Variants in HS3ST4 observed in about 807,000 individuals in gnomAD.
The protein encoded by HS3ST4 is heparan sulfate-glucosamine 3-sulfotransferase 4.
A neutral mutation model predicts 29.2 loss-of-function variants in HS3ST4; 17 were observed. The ratio of observed to expected loss-of-function variants is 0.58; its 90% CI spans 0.40 to 0.87. The LOEUF (loss-of-function observed/expected upper bound fraction) is 0.87. HS3ST4 is among the 40% of genes least tolerant of loss of function. The probability of loss-of-function intolerance (pLI) is 0.00; values close to 1 mark genes in which losing one functional copy is unlikely to be tolerated. For synonymous variants in HS3ST4, 314 were observed against 285.7 expected (o/e 1.10, Z -1.00); for missense variants, 627 against 634.5 (o/e 0.99, Z 0.13).
chr16:25,874,880 C>A (rs1461164437), intron 1 of HS3ST4, among the ~76,000 whole-genome samples: 1 of 152,118 alleles, frequency 6.6e-6, no homozygotes, highest in Non-Finnish European at 1.5e-5. Context: ...TGGCCTTGTT[C>A]AAGTTAGTTA....
chr16:26,080,201 T>C (rs1898709345), intron 1 of HS3ST4, among the ~76,000 whole-genome samples: 1 of 152,076 alleles, frequency 6.6e-6, no homozygotes, highest in Admixed American at 6.5e-5. Flanking sequence ...CTTCCTTCCT[T>C]CCTTCCGTCC....
intron 1 of HS3ST4, among the ~76,000 whole-genome samples, chr16:26,097,118 T>G (rs1898934502): frequency 6.6e-6 from 1 of 152,196 alleles, no homozygotes; most frequent in Admixed American, 6.5e-5. Context: ...TCCATGCTCA[T>G]GGATAGGAAG....
intron 1 of HS3ST4, among the ~76,000 whole-genome samples, chr16:26,116,816 C>G (rs1899207782): frequency 6.6e-6 from 1 of 152,058 alleles, no homozygotes; most frequent in South Asian, 2.1e-4. Flanking sequence ...TGTAATGCTC[C>G]AAAATCTGAA....
At chr16:25,920,464 A>G (rs1239440611) in intron 1 of HS3ST4, among the ~76,000 whole-genome samples, 2 of 151,962 alleles carry the variant, frequency 1.3e-5, no homozygotes, top group African/African-American at 4.8e-5. Flanking sequence ...AAGAATGAAT[A>G]CACTGGTCTC....
At chr16:26,015,689 C>A (rs1348756496) in intron 1 of HS3ST4, among the ~76,000 whole-genome samples, 2 of 152,196 alleles carry the variant, frequency 1.3e-5, no homozygotes, top group African/African-American at 4.8e-5. Context: ...AGATGAACTA[C>A]TAAGTGTCAT....
chr16:26,052,574 T>C (rs1898360548), intron 1 of HS3ST4, among the ~76,000 whole-genome samples: 1 of 152,212 alleles, frequency 6.6e-6, no homozygotes, highest in Admixed American at 6.5e-5. Flanking sequence ...TTTCACCATG[T>C]TGGCCAGGCT....
chr16:26,025,548 G>A (rs763577604), intron 1 of HS3ST4, among the ~76,000 whole-genome samples: 5 of 152,264 alleles, frequency 3.3e-5, no homozygotes, highest in Middle Eastern at 3.4e-3. Context: ...ACGCTGCCAC[G>A]CAAAGGAGTT....
intron 1 of HS3ST4, among the ~76,000 whole-genome samples, chr16:25,821,049 G>A (rs532741249): frequency 1.9e-4 from 28 of 150,890 alleles, no homozygotes; most frequent in African/African-American, 6.3e-4. Context: ...ATTCATTTGC[G>A]CCTTTGAATT....
At chr16:26,087,864 C>A (rs1898808791) in intron 1 of HS3ST4, among the ~76,000 whole-genome samples, 1 of 152,096 alleles carries the variant, frequency 6.6e-6, no homozygotes, top group Non-Finnish European at 1.5e-5. Context: ...CAATCTTTAG[C>A]TTTGTTTCCT....
chr16:26,039,845 T>G lies in HS3ST4; in HGVS notation c.735-95767T>G, dbSNP rs117473959. Among the ~76,000 whole-genome samples the G allele has an allele frequency of 9.8e-3, 1,492 of 152,222 alleles. 8 individuals are homozygous for G. The highest frequency in any genetic ancestry group is 0.014 in the Non-Finnish European group (937 of 68,006). On this transcript the variant is annotated intron_variant, in intron 1 of 1. Coordinates refer to ENST00000331351, the MANE Select transcript of HS3ST4 (RefSeq NM_006040.3). ...GTATATATTCTCCATTTCGAAAAAC[T>G]TCCGCATTGAATTACATAGAATTGC...
chr16:25,950,991 C>T (rs1357776390), intron 1 of HS3ST4, among the ~76,000 whole-genome samples: 1 of 152,194 alleles, frequency 6.6e-6, no homozygotes, highest in African/African-American at 2.4e-5. Flanking sequence ...TTGTCCTAAA[C>T]AGCATGTAGA....
intron 1 of HS3ST4, among the ~76,000 whole-genome samples, chr16:25,946,594 A>G (rs8050319): frequency 0.82 from 124,526 of 152,206 alleles, 51,499 homozygotes; most frequent in African/African-American, 0.94. Context: ...AGGGGGAAAA[A>G]AGACCCTGTG....
At position 25,830,719 on chromosome 16, in the gene HS3ST4, CT is replaced by C. The variant is rs749231059; in HGVS notation, c.734+137581del. ...TTCATTCCCCACCTTCAATCCATGT[CT>C]TTTTTTTTTTTTAGCTGTCAGCTCT... On this transcript the variant is annotated intron_variant, in intron 1 of 1. Coordinates refer to ENST00000331351, the MANE Select transcript of HS3ST4 (RefSeq NM_006040.3). 6.0e-3 allele frequency among the ~76,000 whole-genome samples: 867 copies of C among 144,818 alleles called. 2 individuals carry two copies. Among genetic ancestry groups the C allele is most frequent in the African/African-American group, 8.5e-3 (340 of 39,782 alleles).
At chr16:25,966,923 T>A (rs545283131) in intron 1 of HS3ST4, among the ~76,000 whole-genome samples, 1 of 152,222 alleles carries the variant, frequency 6.6e-6, no homozygotes, top group East Asian at 1.9e-4. Flanking sequence ...ATATTTAAAA[T>A]GTTCTAGAGC....
chr16:26,125,745 G>A (rs866359383), intron 1 of HS3ST4, among the ~76,000 whole-genome samples: 11 of 152,136 alleles, frequency 7.2e-5, no homozygotes, highest in Middle Eastern at 3.4e-3. Flanking sequence ...AAAATCCTTC[G>A]CTCATCGCCT....
chr16:26,014,621 C>A (rs114001226), intron 1 of HS3ST4, among the ~76,000 whole-genome samples: 255 of 152,306 alleles, frequency 1.7e-3, no homozygotes, highest in African/African-American at 6.0e-3. Flanking sequence ...TACTTTAGTT[C>A]ACCTAGGATA....
At position 25,693,133 on chromosome 16, in the gene HS3ST4, A is replaced by G; in HGVS notation, c.716A>G (p.Lys239Arg). The part of the protein sequence containing the change: ...EPHFFDRNYE[K>R]GLEWYRNVMP... The stretch of plus-strand genomic sequence containing the variant: ...CACTTCTTCGACAGGAACTACGAAA[A>G]GGGGTTGGAGTGGTACAGGTAGGAC... Residue 239 changes from lysine (K) to arginine (R), a missense_variant, in exon 1 of 2, where the codon AAG (lysine) becomes AGG (arginine). This residue lies in a region of HS3ST4 where 225 missense variants were observed against 293.7 expected (regional missense o/e 0.77). Transcript: ENST00000331351. 6.2e-7 allele frequency: 1 copy of G among 1,607,050 alleles called. No homozygotes were observed. Among genetic ancestry groups the G allele is most frequent in the South Asian group, 1.1e-5 (1 of 89,994 alleles).
At chr16:25,913,712 G>T (rs926876291) in intron 1 of HS3ST4, among the ~76,000 whole-genome samples, 1 of 152,160 alleles carries the variant, frequency 6.6e-6, no homozygotes, top group East Asian at 1.9e-4. Flanking sequence ...GCATGTGTGT[G>T]TGTAGTGTGG....
At position 26,135,511 on chromosome 16, in the gene HS3ST4, G is replaced by A. The variant is rs1037193443; in HGVS notation, c.735-101G>A. On this transcript the variant is annotated intron_variant, in intron 1 of 1. Transcript: ENST00000331351. The stretch of plus-strand genomic sequence containing the variant: ...CAAGAGTTTATCAATTTTATTTGGT[G>A]GTTCCAAACTAGGTTGTTTATATCA... 12 of 1,138,938 alleles carry A rather than the reference G, an allele frequency of 1.1e-5. No individual in the cohort carries two copies. In the Admixed American group the frequency reaches 3.5e-4, roughly 33 times the overall value. The allele number at this position is 1,138,938 out of a possible 1,614,324, so 70.6% of individuals were successfully genotyped here.
Sources: gnomAD v4.1 joint callset for allele counts (sites outside exome capture counted in the v4.1 genomes callset) on GRCh38, gnomAD v4.1.1 for gene constraint, gnomAD v4.1.1 regional missense constraint, MANE v1.5 for transcripts, NCBI Gene and HGNC (gene_info 2026-07-23, HGNC 2026-07-21) for gene names.